Variants in LRIF1 observed in about 807,000 individuals in gnomAD.
The protein encoded by LRIF1 is ligand-dependent nuclear receptor-interacting factor 1.
In LRIF1, 32 loss-of-function variants were observed where a neutral mutation model predicts 52.7. The observed-to-expected ratio is 0.61, with a 90% CI of 0.46 to 0.82. The LOEUF (loss-of-function observed/expected upper bound fraction) is 0.82, where lower values mean the gene tolerates loss of function less well. LRIF1 is among the 40% of genes least tolerant of loss of function. The pLI is 0.00. For synonymous variants in LRIF1, 323 were observed against 317.4 expected, an observed-to-expected ratio of 1.02 and a Z score of -0.19; for missense variants, 887 against 892.0, an observed-to-expected ratio of 0.99 and a Z score of 0.07.
the LRIF1 span, chr1:110,899,328 T>C: frequency 1.6e-6 from 1 of 628,110 alleles, no homozygotes; most frequent in South Asian, 1.9e-5. Flanking sequence ...CCCTGTCTTA[T>C]ACAACCAGAG....
chr1:110,905,245 C>T, the LRIF1 span, among the ~76,000 whole-genome samples: 1 of 151,984 alleles, frequency 6.6e-6, no homozygotes, highest in Non-Finnish European at 1.5e-5. Flanking sequence ...AGAGAATTCC[C>T]CAAACCTAGA....
chr1:110,885,290 C>T, the LRIF1 span, among the ~76,000 whole-genome samples: 1 of 152,230 alleles, frequency 6.6e-6, no homozygotes, highest in African/African-American at 2.4e-5. Flanking sequence ...GTGGCTCACG[C>T]CTGTAATCCC....
intron 1 of LRIF1, among the ~76,000 whole-genome samples, chr1:110,956,586 C>T (rs985077404): frequency 6.6e-6 from 1 of 152,066 alleles, no homozygotes; most frequent in Non-Finnish European, 1.5e-5. Context: ...AAACAGGATG[C>T]GTGAAACAGT....
chr1:110,882,237 A>G, the LRIF1 span, among the ~76,000 whole-genome samples: 1 of 152,156 alleles, frequency 6.6e-6, no homozygotes, highest in Non-Finnish European at 1.5e-5. Context: ...TTACCTTTAG[A>G]TCTATGATTC....
chr1:110,952,523 T>C lies in LRIF1; in HGVS notation c.361A>G (p.Thr121Ala). 1 of 1,613,930 alleles carries C rather than the reference T, an allele frequency of 6.2e-7. No individual in the cohort carries two copies. Among genetic ancestry groups the C allele is most frequent in the Non-Finnish European group, 8.5e-7 (1 of 1,179,792 alleles). Residue 121 changes from threonine to alanine, a missense_variant, in exon 2 of 4, where the codon ACT becomes GCT. By Grantham distance (58) the Thr-to-Ala change is moderately conservative. Coordinates refer to ENST00000369763, the MANE Select transcript of LRIF1 (RefSeq NM_018372.4). The stretch of plus-strand genomic sequence containing the variant: ...GAAAAATTTCCAGTTCCCACAGAAG[T>C]AACTCTACCTTTTTCTGATGTATCT... ...TVDTSEKGRV[T>A]SVGTGNFSSS...
At chr1:110,878,635 G>C in the LRIF1 span, among the ~76,000 whole-genome samples, 1 of 152,014 alleles carries the variant, frequency 6.6e-6, no homozygotes, top group Non-Finnish European at 1.5e-5. Flanking sequence ...TAATAGGTTT[G>C]AATGGAGTAA....
chr1:110,935,107 C>A, the LRIF1 span, among the ~76,000 whole-genome samples: 1 of 152,210 alleles, frequency 6.6e-6, no homozygotes, highest in Non-Finnish European at 1.5e-5. Flanking sequence ...TATGAGTCTG[C>A]AAGAACCACA....
chr1:110,934,774 A>T, the LRIF1 span, among the ~76,000 whole-genome samples: 1 of 152,106 alleles, frequency 6.6e-6, no homozygotes, highest in East Asian at 1.9e-4. Context: ...GAACTTTCCA[A>T]CCTAAAGGGA....
the LRIF1 span, among the ~76,000 whole-genome samples, chr1:110,893,371 G>A: frequency 6.6e-6 from 1 of 152,184 alleles, no homozygotes; most frequent in Non-Finnish European, 1.5e-5. Context: ...TGCCCAGGCT[G>A]GAGTGCAATG....
chr1:110,914,437 A>G, the LRIF1 span, among the ~76,000 whole-genome samples: 1 of 152,224 alleles, frequency 6.6e-6, no homozygotes, highest in African/African-American at 2.4e-5. Context: ...CAGCTAATAA[A>G]TATGTAAAAC....
chr1:110,923,371 C>G, the LRIF1 span, among the ~76,000 whole-genome samples: 1 of 152,236 alleles, frequency 6.6e-6, no homozygotes, highest in South Asian at 2.1e-4. Context: ...AAAAAATATT[C>G]ATAGGTTCCA....
At chr1:110,933,697 C>A in the LRIF1 span, among the ~76,000 whole-genome samples, 2 of 152,154 alleles carry the variant, frequency 1.3e-5, no homozygotes, top group Admixed American at 1.3e-4. Flanking sequence ...TGAGTTAATG[C>A]AAACCTTGCC....
chr1:110,907,223 C>A, the LRIF1 span, among the ~76,000 whole-genome samples: 1 of 152,158 alleles, frequency 6.6e-6, no homozygotes, highest in Non-Finnish European at 1.5e-5. Flanking sequence ...CAGCCAAAAC[C>A]TGGTGATACG....
the LRIF1 span, chr1:110,937,096 C>G: frequency 6.6e-6 from 1 of 151,970 alleles, no homozygotes; most frequent in African/African-American, 2.4e-5. Context: ...ATTATTAGAG[C>G]TAAGGCGAGG....
At chr1:110,950,810 C>T (rs576318701) in intron 2 of LRIF1, among the ~76,000 whole-genome samples, 1 of 152,108 alleles carries the variant, frequency 6.6e-6, no homozygotes, top group Non-Finnish European at 1.5e-5. Flanking sequence ...CCCTGTCTCA[C>T]CTTTTCCATG....
the LRIF1 span, among the ~76,000 whole-genome samples, chr1:110,879,973 G>C: frequency 3.3e-5 from 5 of 152,118 alleles, no homozygotes; most frequent in African/African-American, 1.2e-4. Context: ...AAAAAAGACA[G>C]GGATGGAATT....
chr1:110,934,710 T>C, the LRIF1 span, among the ~76,000 whole-genome samples: 1 of 152,208 alleles, frequency 6.6e-6, no homozygotes, highest in Non-Finnish European at 1.5e-5. Context: ...TAAGGTTTTT[T>C]ACCCTAGTCC....
the LRIF1 span, among the ~76,000 whole-genome samples, chr1:110,882,057 TCTGTGCC>T: frequency 6.6e-6 from 1 of 152,222 alleles, no homozygotes; most frequent in Non-Finnish European, 1.5e-5. Context: ...TTTTGTCCCT[TCTGTGCC>T]TTGTCTTTTC....
the LRIF1 span, among the ~76,000 whole-genome samples, chr1:110,920,269 T>C: frequency 1.3e-5 from 2 of 152,174 alleles, no homozygotes; most frequent in Non-Finnish European, 1.5e-5. Context: ...TTATTAATAA[T>C]TGCCAAAACT....
Sources: allele counts gnomAD v4.1 joint callset (sites outside exome capture counted in the v4.1 genomes callset), GRCh38; gene constraint gnomAD v4.1.1; transcripts MANE v1.5; gene names NCBI Gene and HGNC (gene_info 2026-07-23, HGNC 2026-07-21).